The following CLDN22 variants were observed in gnomAD, a reference collection of about 807,000 sequenced individuals.
CLDN22 encodes the protein claudin-22.
For synonymous variants in CLDN22, 86 were observed against 107.9 expected, an observed-to-expected ratio of 0.80 and a Z score of 1.26; for missense variants, 227 against 252.2, an observed-to-expected ratio of 0.90 and a Z score of 0.68.
chr4:183,318,954 A>G lies in CLDN22; in HGVS notation c.*602T>C, dbSNP rs2111138839. The G allele has an allele frequency of 6.6e-6, 1 of 152,512 alleles. No individual in the cohort carries two copies. The highest frequency in any genetic ancestry group is 1.9e-4 in the East Asian group (1 of 5,190). The allele number at this position is 152,512 out of a possible 1,614,324, so 9.4% of individuals were successfully genotyped here. On this transcript the variant is annotated 3_prime_UTR_variant, in exon 1 of 1. Transcript: ENST00000323319. ...ACGTTTGTGTGGCAGAGTCTACTTG[A>G]ATCATCCAAAACCCAAGATCGCCCT...
In CLDN22 at chr4:183,319,306, C is replaced by G; in HGVS notation, c.*250G>C. On this transcript the variant is annotated 3_prime_UTR_variant, in exon 1 of 1. Coordinates refer to ENST00000323319, the MANE Select transcript of CLDN22 (RefSeq NM_001111319.3). ...TTTATTTACCACTTCTGTGCAATCG[C>G]TATTTTAAAATTGAGAAAACTCATC... 1 of 427,248 alleles carries G rather than the reference C, an allele frequency of 2.3e-6. No individual in the cohort carries two copies. 26.5% of individuals were successfully genotyped at this position (427,248 alleles called of 1,614,324 possible). A position where few individuals can be genotyped will look rare whatever the true frequency, so the allele number is the denominator to read the frequency against.
chr4:183,319,686 A>C lies in CLDN22; in HGVS notation c.533T>G (p.Leu178Arg), dbSNP rs1315783604. The C allele has an allele frequency of 6.2e-7, 1 of 1,614,058 alleles. No homozygotes were observed. The change falls in exon 1 of 1, where the codon CTA (leucine) becomes CGA (arginine). Residue 178 changes from leucine to arginine, a missense_variant. By Grantham distance (102) the Leu-to-Arg change is moderately radical (BLOSUM62 -2). Coordinates refer to ENST00000323319, the MANE Select transcript of CLDN22 (RefSeq NM_001111319.3). ...LGWFAGLSLL[L>R]GGCLLHCAAC... ...TGCACAGTGGAGCAGACACCCTCCT[A>C]GCAGAAGAGAAAGTCCAGCAAACCA...
Position 183,319,295 on chromosome 4 carries a change from C to T in CLDN22, c.*261G>A, listed in dbSNP as rs1168551684. The stretch of plus-strand genomic sequence containing the variant: ...GAGATTAATGTTTTATTTACCACTT[C>T]TGTGCAATCGCTATTTTAAAATTGA... On this transcript the variant is annotated 3_prime_UTR_variant, in exon 1 of 1. Coordinates refer to ENST00000323319, the MANE Select transcript of CLDN22 (RefSeq NM_001111319.3). The T allele has an allele frequency of 2.5e-6, 1 of 400,822 alleles. No homozygotes were observed. The highest frequency in any genetic ancestry group is 4.3e-5 in the East Asian group (1 of 23,236). The allele number at this position is 400,822 out of a possible 1,614,324, so 24.8% of individuals were successfully genotyped here. A position where few individuals can be genotyped will look rare whatever the true frequency, so the allele number is the denominator to read the frequency against.
At position 183,319,479 on chromosome 4, in the gene CLDN22, T is replaced by G; in HGVS notation, c.*77A>C. On this transcript the variant is annotated 3_prime_UTR_variant, in exon 1 of 1. Transcript: ENST00000323319. Reference sequence around the variant, plus strand: ...TTCAAAAATCAAAAGCACAGTGAGATGACTAGAGCGGGACATCCTACCAAA... The same window carrying G: ...TTCAAAAATCAAAAGCACAGTGAGAGGACTAGAGCGGGACATCCTACCAAA... 1 of 1,385,090 alleles carries G rather than the reference T, an allele frequency of 7.2e-7. No homozygotes were observed. Among genetic ancestry groups the G allele is most frequent in the Non-Finnish European group, 9.8e-7 (1 of 1,015,476 alleles). 85.8% of individuals were successfully genotyped at this position (1,385,090 alleles called of 1,614,324 possible). A position where few individuals can be genotyped will look rare whatever the true frequency, so the allele number is the denominator to read the frequency against.
Position 183,320,029 on chromosome 4 carries a change from A to G in CLDN22, c.190T>C (p.Cys64Arg). 5 of 1,613,890 alleles carry G rather than the reference A, an allele frequency of 3.1e-6. No individual in the cohort carries two copies. The highest frequency in any genetic ancestry group is 3.4e-6 in the Non-Finnish European group (4 of 1,179,844). ...GCCAGGAAGGAGTCAAAGTCCTTGCATTGCATCCCCACTTCCTCTTGGATG... is the reference window on the plus strand; with the variant it reads ...GCCAGGAAGGAGTCAAAGTCCTTGCGTTGCATCCCCACTTCCTCTTGGATG... ...CVIQEEVGMQ[C>R]KDFDSFLALP... The change falls in exon 1 of 1, where the codon TGC becomes CGC. Residue 64 changes from cysteine to arginine, a missense_variant. Physicochemically the swap from Cys to Arg is radical, Grantham distance 180. Transcript: ENST00000323319.
rs1177516738 is a variant in CLDN22 at position 183,318,961 on chromosome 4, C to T, written c.*595G>A. 3 of 152,356 alleles carry T rather than the reference C, an allele frequency of 2.0e-5. No homozygotes were observed. Among genetic ancestry groups the T allele is most frequent in the African/African-American group, 7.2e-5 (3 of 41,430 alleles). 9.4% of individuals were successfully genotyped at this position (152,356 alleles called of 1,614,324 possible). ...TGTGGCAGAGTCTACTTGAATCATC[C>T]AAAACCCAAGATCGCCCTCCTGCCT... On this transcript the variant is annotated 3_prime_UTR_variant, in exon 1 of 1. Transcript: ENST00000323319.
chr4:183,319,955 A>G lies in CLDN22; in HGVS notation c.264T>C (p.Asn88=), dbSNP rs1253536044. The change falls in exon 1 of 1, where the codon AAT becomes AAC. Residue 88 remains asparagine (N), a synonymous_variant. Coordinates refer to ENST00000323319, the MANE Select transcript of CLDN22 (RefSeq NM_001111319.3). ...CCAGCAGGCCCAGAAATCCCAGCCC[A>G]TTTGACAGAAACATTAAGATCCTGG... ...RVSRILMFLS[N]GLGFLGLLVS... 1.9e-6 allele frequency: 3 copies of G among 1,613,408 alleles called. No homozygotes were observed. Among genetic ancestry groups the G allele is most frequent in the Non-Finnish European group, 2.5e-6 (3 of 1,179,644 alleles).
At position 183,319,840 on chromosome 4, in the gene CLDN22, A is replaced by G; in HGVS notation, c.379T>C (p.Trp127Arg). 1.9e-6 allele frequency: 3 copies of G among 1,613,998 alleles called. No homozygotes were observed. The highest frequency in any genetic ancestry group is 2.2e-5 in the East Asian group (1 of 44,880). Residue 127 changes from tryptophan to arginine, a missense_variant, in exon 1 of 1, where the codon TGG (tryptophan) becomes CGG (arginine). Coordinates refer to ENST00000323319, the MANE Select transcript of CLDN22 (RefSeq NM_001111319.3). The part of the protein sequence containing the change: ...RLLILGGILS[W>R]ASGVTALVPV... The stretch of plus-strand genomic sequence containing the variant: ...ACCAGGGCTGTGACTCCCGAGGCCC[A>G]GGACAGAATTCCTCCCAGGATCAGC...
At position 183,319,328 on chromosome 4, in the gene CLDN22, C is replaced by T. The variant is rs570720606; in HGVS notation, c.*228G>A. On this transcript the variant is annotated 3_prime_UTR_variant, in exon 1 of 1. Coordinates refer to ENST00000323319, the MANE Select transcript of CLDN22 (RefSeq NM_001111319.3). ...TCGCTATTTTAAAATTGAGAAAACTCATCCACAGTAATGGGTGTCATTACT... is the reference window on the plus strand; with the variant it reads ...TCGCTATTTTAAAATTGAGAAAACTTATCCACAGTAATGGGTGTCATTACT... 7.4e-5 allele frequency: 35 copies of T among 472,448 alleles called. No homozygotes were observed. The highest frequency in any genetic ancestry group is 4.6e-4 in the African/African-American group (24 of 51,922). 29.3% of individuals were successfully genotyped at this position (472,448 alleles called of 1,614,324 possible). A position where few individuals can be genotyped will look rare whatever the true frequency, so the allele number is the denominator to read the frequency against.
Position 183,320,056 on chromosome 4 carries a change from C to T in CLDN22, c.163G>A (p.Val55Ile), listed in dbSNP as rs969647808. 1 of 1,614,106 alleles carries T rather than the reference C, an allele frequency of 6.2e-7. No individual in the cohort carries two copies. Among genetic ancestry groups the T allele is most frequent in the Non-Finnish European group, 8.5e-7 (1 of 1,180,038 alleles). ...TGCATCCCCACTTCCTCTTGGATGA[C>T]ACAGGTTTGCCAGAGTCCCATGGTC... ...NWTMGLWQTC[V>I]IQEEVGMQCK... The change falls in exon 1 of 1, where the codon GTC (valine) becomes ATC (isoleucine). Residue 55 changes from valine (V) to isoleucine (I), a missense_variant. Val to Ile is a conservative substitution (Grantham distance 29). Coordinates refer to ENST00000323319, the MANE Select transcript of CLDN22 (RefSeq NM_001111319.3).
Position 183,318,698 on chromosome 4 carries a change from A to T in CLDN22, c.*858T>A, listed in dbSNP as rs1276759135. On this transcript the variant is annotated 3_prime_UTR_variant, in exon 1 of 1. Transcript: ENST00000323319. ...CTTGTTGGAACTATATGTATTGCTGATAAAAAAGGACGAAGTATTTTCATT... is the reference window on the plus strand; with the variant it reads ...CTTGTTGGAACTATATGTATTGCTGTTAAAAAAGGACGAAGTATTTTCATT... The T allele has an allele frequency of 6.6e-6, 1 of 152,222 alleles. No individual in the cohort carries two copies. The highest frequency in any genetic ancestry group is 2.4e-5 in the African/African-American group (1 of 41,450). The allele number at this position is 152,222 out of a possible 1,614,324, so 9.4% of individuals were successfully genotyped here. A position where few individuals can be genotyped will look rare whatever the true frequency, so the allele number is the denominator to read the frequency against.
At position 183,319,674 on chromosome 4, in the gene CLDN22, A is replaced by C; in HGVS notation, c.545T>G (p.Leu182Arg). Reference sequence around the variant, plus strand: ...GCTGGAGCAGGCTGCACAGTGGAGCAGACACCCTCCTAGCAGAAGAGAAAG... The same window carrying C: ...GCTGGAGCAGGCTGCACAGTGGAGCCGACACCCTCCTAGCAGAAGAGAAAG... The part of the protein sequence containing the change: ...AGLSLLLGGC[L>R]LHCAACSSHA... Residue 182 changes from leucine (L) to arginine (R), a missense_variant, in exon 1 of 1, where the codon CTG (leucine) becomes CGG (arginine). Leu to Arg is a moderately radical substitution (Grantham distance 102, BLOSUM62 -2). Transcript: ENST00000323319. 1 of 1,614,140 alleles carries C rather than the reference A, an allele frequency of 6.2e-7. No individual in the cohort carries two copies. The highest frequency in any genetic ancestry group is 8.5e-7 in the Non-Finnish European group (1 of 1,180,026).
In CLDN22 at chr4:183,318,722, T is replaced by A. The variant is rs191914145; in HGVS notation, c.*834A>T. On this transcript the variant is annotated 3_prime_UTR_variant, in exon 1 of 1. Transcript: ENST00000323319. Reference sequence around the variant, plus strand: ...GATAAAAAAGGACGAAGTATTTTCATTGAGCAAATAAAATGAAGGGCTCCA... The same window carrying A: ...GATAAAAAAGGACGAAGTATTTTCAATGAGCAAATAAAATGAAGGGCTCCA... 6.6e-6 allele frequency: 1 copy of A among 152,340 alleles called. No individual in the cohort carries two copies. The highest frequency in any genetic ancestry group is 2.4e-5 in the African/African-American group (1 of 41,580). The allele number at this position is 152,340 out of a possible 1,614,324, so 9.4% of individuals were successfully genotyped here.
Position 183,319,389 on chromosome 4 carries a change from G to T in CLDN22, c.*167C>A. ...GATTGATTTTGGTCTCAGACTAGAA[G>T]ATAAAAATGGTTTACCAGTCTTGGA... On this transcript the variant is annotated 3_prime_UTR_variant, in exon 1 of 1. Coordinates refer to ENST00000323319, the MANE Select transcript of CLDN22 (RefSeq NM_001111319.3). 8.0e-6 allele frequency: 6 copies of T among 747,392 alleles called. No homozygotes were observed. Among genetic ancestry groups the T allele is most frequent in the Non-Finnish European group, 6.5e-6 (3 of 458,530 alleles). 46.3% of individuals were successfully genotyped at this position (747,392 alleles called of 1,614,324 possible).
Position 183,319,247 on chromosome 4 carries a change from A to C in CLDN22, c.*309T>G, listed in dbSNP as rs1369544650. On this transcript the variant is annotated 3_prime_UTR_variant, in exon 1 of 1. Coordinates refer to ENST00000323319, the MANE Select transcript of CLDN22 (RefSeq NM_001111319.3). ...TTGCCAAATGATTCCGCTCCATATG[A>C]ATAATACCTTCAAAGATACATAGAG... The C allele has an allele frequency of 1.2e-5, 3 of 250,790 alleles. No homozygotes were observed. Among genetic ancestry groups the C allele is most frequent in the African/African-American group, 4.5e-5 (2 of 44,822 alleles). 15.5% of individuals were successfully genotyped at this position (250,790 alleles called of 1,614,324 possible).
rs1553982862 is a variant in CLDN22 at position 183,319,732 on chromosome 4, C to G, written c.487G>C (p.Gly163Arg). ...AACCAGCCCAGAAACAGGGCCTCCC[C>G]AAACTCCCACCTGGGGACAAAGTCT... ...VPDFVPRWEF[G>R]EALFLGWFAG... is the part of the protein sequence containing the mutation. The change falls in exon 1 of 1, where the codon GGG (glycine) becomes CGG (arginine). Residue 163 changes from glycine (G) to arginine (R), a missense_variant. Coordinates refer to ENST00000323319, the MANE Select transcript of CLDN22 (RefSeq NM_001111319.3). The G allele has an allele frequency of 2.9e-5, 47 of 1,613,984 alleles. No homozygotes were observed. Among genetic ancestry groups the G allele is most frequent in the Non-Finnish European group, 4.0e-5 (47 of 1,179,930 alleles).
chr4:183,318,243 A>G lies in CLDN22; in HGVS notation c.*1313T>C, dbSNP rs917291788. ...GTACAAAAAGAATATTGCTAGCCAA[A>G]TGAACAAAGTTTAGCTAAATCTCTG... is the stretch of plus-strand genomic sequence containing the variant. On this transcript the variant is annotated 3_prime_UTR_variant, in exon 1 of 1. Transcript: ENST00000323319. 2 of 152,644 alleles carry G rather than the reference A, an allele frequency of 1.3e-5. No individual in the cohort carries two copies. Among genetic ancestry groups the G allele is most frequent in the African/African-American group, 4.8e-5 (2 of 41,464 alleles). 9.5% of individuals were successfully genotyped at this position (152,644 alleles called of 1,614,324 possible). A position where few individuals can be genotyped will look rare whatever the true frequency, so the allele number is the denominator to read the frequency against.
rs755878121 is a variant in CLDN22 at position 183,319,592 on chromosome 4, TTGA to T, written c.624_626del (p.His208del). The T allele has an allele frequency of 2.7e-5, 43 of 1,613,680 alleles. No individual in the cohort carries two copies. The African/African-American group carries it at 5.3e-4, about 20-fold the overall frequency. On this transcript the variant is annotated inframe_deletion, in exon 1 of 1. Coordinates refer to ENST00000323319, the MANE Select transcript of CLDN22 (RefSeq NM_001111319.3). ...GGTTGGTGTTTCTCGTCTCCAGTTC[TTGA>T]TGATGATCTTGTGTTTGTGCCACTG...
chr4:183,319,420 A>C lies in CLDN22; in HGVS notation c.*136T>G, dbSNP rs184295038. The stretch of plus-strand genomic sequence containing the variant: ...AATGGTTTACCAGTCTTGGAAAGAA[A>C]CTATAGTTTAATAGCCACAGGAAAA... On this transcript the variant is annotated 3_prime_UTR_variant, in exon 1 of 1. Transcript: ENST00000323319. 1.0e-6 allele frequency: 1 copy of C among 973,288 alleles called. No individual in the cohort carries two copies. 60.3% of individuals were successfully genotyped at this position (973,288 alleles called of 1,614,324 possible). A position where few individuals can be genotyped will look rare whatever the true frequency, so the allele number is the denominator to read the frequency against.
Sources: gnomAD v4.1 joint callset for allele counts on GRCh38, gnomAD v4.1.1 for gene constraint, MANE v1.5 for transcripts, NCBI Gene and HGNC (gene_info 2026-07-23, HGNC 2026-07-21) for gene names.